MBOAT2: variants seen among roughly 807,000 people sequenced by gnomAD.
MBOAT2 encodes membrane bound glycerophospholipid O-acyltransferase 2, also known as membrane-bound glycerophospholipid O-acyltransferase 2.
Under a neutral mutation model 63.4 loss-of-function variants are expected in MBOAT2, and 28 were observed. That is an observed-to-expected ratio of 0.44 (90% confidence interval 0.33 to 0.61). The LOEUF (loss-of-function observed/expected upper bound fraction) is 0.61, where lower values mean the gene tolerates loss of function less well. MBOAT2 is among the 20% of genes least tolerant of loss of function. The probability of loss-of-function intolerance (pLI) is 0.03; values close to 1 mark genes in which losing one functional copy is unlikely to be tolerated. For synonymous variants in MBOAT2, 211 were observed against 215.6 expected (o/e 0.98, Z 0.19); for missense variants, 470 against 605.8 (o/e 0.78, Z 2.35).
At chr2:8,944,170 T>A (rs1447108219) in intron 2 of MBOAT2, among the ~76,000 whole-genome samples, 1 of 152,206 alleles carries the variant, frequency 6.6e-6, no homozygotes, top group Admixed American at 6.5e-5. Flanking sequence ...GCCCATGACA[T>A]GGTATTTTCT....
intron 1 of MBOAT2, among the ~76,000 whole-genome samples, chr2:8,990,281 C>T (rs574518739): frequency 2.0e-5 from 3 of 152,148 alleles, no homozygotes; most frequent in Admixed American, 1.3e-4. Context: ...GGCTAAACTC[C>T]AATATCACAC....
chr2:8,938,036 G>A (rs1054161089), intron 3 of MBOAT2, among the ~76,000 whole-genome samples: 6 of 152,152 alleles, frequency 3.9e-5, no homozygotes, highest in Admixed American at 3.9e-4. Flanking sequence ...CTGGGGCCTG[G>A]TTTAAATGGT....
chr2:8,916,594 A>G (rs1666197106), intron 3 of MBOAT2, among the ~76,000 whole-genome samples: 1 of 152,256 alleles, frequency 6.6e-6, no homozygotes, highest in Non-Finnish European at 1.5e-5. Flanking sequence ...TCAAAAAAGG[A>G]AAAACAGGTG....
At chr2:8,911,216 A>G (rs1665685811) in intron 3 of MBOAT2, among the ~76,000 whole-genome samples, 1 of 152,158 alleles carries the variant, frequency 6.6e-6, no homozygotes, top group South Asian at 2.1e-4. Context: ...ATCAAAAAGA[A>G]CTGTACTTGA....
intron 3 of MBOAT2, among the ~76,000 whole-genome samples, chr2:8,914,759 T>C (rs1339099851): frequency 2.0e-5 from 3 of 152,074 alleles, no homozygotes; most frequent in African/African-American, 7.2e-5. Context: ...TAAGCTGCAA[T>C]TGTAAAATAA....
intron 3 of MBOAT2, among the ~76,000 whole-genome samples, chr2:8,926,000 G>C (rs1257255885): frequency 1.3e-5 from 2 of 152,146 alleles, no homozygotes; most frequent in African/African-American, 2.4e-5. Flanking sequence ...GGAGTGTAGA[G>C]AGGGTAAGTA....
At chr2:8,965,067 C>G (rs529427535) in intron 1 of MBOAT2, among the ~76,000 whole-genome samples, 1 of 152,158 alleles carries the variant, frequency 6.6e-6, no homozygotes, top group South Asian at 2.1e-4. Flanking sequence ...AGTCTGTGAG[C>G]TCTTTAGCTT....
At chr2:8,991,259 C>A (rs1284614153) in intron 1 of MBOAT2, among the ~76,000 whole-genome samples, 3 of 152,144 alleles carry the variant, frequency 2.0e-5, no homozygotes, top group African/African-American at 7.2e-5. Flanking sequence ...TTACTTTATT[C>A]CCCTCCAGCT....
chr2:8,919,903 C>G (rs972104923), intron 3 of MBOAT2, among the ~76,000 whole-genome samples: 1 of 152,038 alleles, frequency 6.6e-6, no homozygotes, highest in Admixed American at 6.6e-5. Flanking sequence ...TACAGGTGTG[C>G]GCCACCACAC....
chr2:8,955,937 GTATT>G (rs1669183292), intron 2 of MBOAT2, among the ~76,000 whole-genome samples: 1 of 152,094 alleles, frequency 6.6e-6, no homozygotes, highest in Non-Finnish European at 1.5e-5. Context: ...ATGATCCTTA[GTATT>G]TTTTTACCAA....
chr2:8,979,723 C>T (rs962213848), intron 1 of MBOAT2, among the ~76,000 whole-genome samples: 2 of 152,082 alleles, frequency 1.3e-5, no homozygotes, highest in Non-Finnish European at 2.9e-5. Flanking sequence ...CTAAATCACA[C>T]GTTTTTGACT....
chr2:8,994,823 C>T (rs769339478), intron 1 of MBOAT2, among the ~76,000 whole-genome samples: 5 of 152,182 alleles, frequency 3.3e-5, no homozygotes, highest in East Asian at 1.9e-4. Flanking sequence ...TTGAAAAATA[C>T]GGATCTGCCA....
chr2:8,886,018 C>T (rs1397615375), intron 5 of MBOAT2, among the ~76,000 whole-genome samples: 1 of 152,154 alleles, frequency 6.6e-6, no homozygotes, highest in African/African-American at 2.4e-5. Context: ...AGGAAATGTC[C>T]CCTATGTCTA....
At chr2:8,925,543 G>GA (rs1265955809) in intron 3 of MBOAT2, among the ~76,000 whole-genome samples, 1 of 152,202 alleles carries the variant, frequency 6.6e-6, no homozygotes, top group Non-Finnish European at 1.5e-5. Context: ...GGCCCTAGAA[G>GA]AAAAGGTACA....
At chr2:8,957,507 G>T (rs1478190470) in intron 2 of MBOAT2, among the ~76,000 whole-genome samples, 1 of 152,084 alleles carries the variant, frequency 6.6e-6, no homozygotes, top group Non-Finnish European at 1.5e-5. Context: ...AATTGCCACA[G>T]GCAAAAATTA....
At chr2:8,990,869 G>A (rs1177334398) in intron 1 of MBOAT2, among the ~76,000 whole-genome samples, 1 of 152,068 alleles carries the variant, frequency 6.6e-6, no homozygotes, top group Non-Finnish European at 1.5e-5. Context: ...CATCGTACAA[G>A]AAATACACAA....
chr2:8,864,178 C>T lies in MBOAT2; in HGVS notation c.1044G>A (p.Trp348Ter). 1 of 1,577,696 alleles carries T rather than the reference C, an allele frequency of 6.3e-7. No homozygotes were observed. The highest frequency in any genetic ancestry group is 8.6e-7 in the Non-Finnish European group (1 of 1,166,400). ...LDNWNIQTAL[W>*]LKRVCYERTS... is the part of the protein sequence containing the mutation. ...TTTTTGAAGGAACGCACCTTTTGAG[C>T]CAAAGAGCTGTCTGAATATTCCAAT... Residue 348 changes from tryptophan to a stop codon, truncating the protein, a stop_gained, in exon 10 of 13, where the codon TGG becomes TGA. Coordinates refer to ENST00000305997, the MANE Select transcript of MBOAT2 (RefSeq NM_138799.4). LOFTEE classifies it high-confidence loss of function.
At chr2:8,960,675 C>T (rs775716740) in intron 1 of MBOAT2, among the ~76,000 whole-genome samples, 2 of 152,176 alleles carry the variant, frequency 1.3e-5, no homozygotes, top group Admixed American at 1.3e-4. Flanking sequence ...AAGGACCACA[C>T]ACATACAGGA....
At chr2:8,866,340 G>A (rs1442863517) in intron 9 of MBOAT2, among the ~76,000 whole-genome samples, 1 of 151,942 alleles carries the variant, frequency 6.6e-6, no homozygotes, top group Non-Finnish European at 1.5e-5. Flanking sequence ...AAAATTTCAG[G>A]GGGGAAATTA....
Sources: allele counts gnomAD v4.1 joint callset (sites outside exome capture counted in the v4.1 genomes callset), GRCh38; gene constraint gnomAD v4.1.1; transcripts MANE v1.5; gene names NCBI Gene and HGNC (gene_info 2026-07-23, HGNC 2026-07-21).